The following PGD variants were observed in gnomAD, a reference collection of about 807,000 sequenced individuals.
PGD encodes 6-phosphogluconate dehydrogenase, decarboxylating.
A neutral mutation model predicts 60.4 loss-of-function variants in PGD; 21 were observed. The ratio of observed to expected loss-of-function variants is 0.35; its 90% CI spans 0.25 to 0.50. The LOEUF (loss-of-function observed/expected upper bound fraction) is 0.50, where lower values mean the gene tolerates loss of function less well. PGD is among the 20% of genes least tolerant of loss of function. The probability of loss-of-function intolerance (pLI) is 0.98; values close to 1 mark genes in which losing one functional copy is unlikely to be tolerated. For synonymous variants in PGD, 230 were observed against 235.9 expected, an observed-to-expected ratio of 0.97 and a Z score of 0.23; for missense variants, 477 against 613.1, an observed-to-expected ratio of 0.78 and a Z score of 2.34.
chr1:10,399,355 G>A (rs1639269642), intron 1 of PGD: 2 of 543,358 alleles, frequency 3.7e-6, no homozygotes, highest in Non-Finnish European at 3.1e-6. Context: ...GGGTCCCTTC[G>A]AGGGCCAGGG....
intron 6 of PGD, among the ~76,000 whole-genome samples, chr1:10,410,959 G>C (rs1639489424): frequency 1.3e-5 from 2 of 152,008 alleles, no homozygotes; most frequent in South Asian, 4.2e-4. Context: ...GTAGCCATTA[G>C]GAACAACTAC....
Position 10,399,819 on chromosome 1 carries a change from T to TG in PGD, c.84+116dup, listed in dbSNP as rs1639284659. The TG allele has an allele frequency of 7.9e-6, 7 of 886,852 alleles. No homozygotes were observed. In the East Asian group the frequency reaches 1.8e-4, roughly 22 times the overall value. The allele number at this position is 886,852 out of a possible 1,614,324, so 54.9% of individuals were successfully genotyped here. On this transcript the variant is annotated intron_variant, in intron 2 of 12. Transcript: ENST00000270776. ...GCCGTGCTTTGCTAATGTGCTCTGT[T>TG]GCTGCTCGTGGCATTTTTGTATGGA...
intron 9 of PGD, 24 bp downstream of exon 9, chr1:10,417,141 G>T (rs756401371): frequency 2.5e-6 from 4 of 1,613,216 alleles, no homozygotes; most frequent in Non-Finnish European, 3.4e-6. Context: ...CCTGGCAGTG[G>T]TCTTTGTTGG....
chr1:10,414,844 G>T (rs1639568464), intron 8 of PGD, among the ~76,000 whole-genome samples: 1 of 151,552 alleles, frequency 6.6e-6, no homozygotes, highest in African/African-American at 2.4e-5. Flanking sequence ...TGTAATCCCA[G>T]CACTTTGGGT....
Position 10,399,572 on chromosome 1 carries a change from G to C in PGD, c.9-57G>C, listed in dbSNP as rs555389581. ...AAATGTGGAAGGACCGGACCCCTGG[G>C]TTGCAGCGCGTCGAGCGGTGCTGAC... On this transcript the variant is annotated intron_variant, in intron 1 of 12. Coordinates refer to ENST00000270776, the MANE Select transcript of PGD (RefSeq NM_002631.4). 3.7e-5 allele frequency: 55 copies of C among 1,478,488 alleles called. 1 individual carries two copies. Among genetic ancestry groups the C allele is most frequent in the Non-Finnish European group, 4.9e-5 (52 of 1,062,180 alleles). The allele number at this position is 1,478,488 out of a possible 1,614,324, so 91.6% of individuals were successfully genotyped here.
rs755270756 is a variant in PGD at position 10,408,029 on chromosome 1, C to T, written c.450-42C>T. The T allele has an allele frequency of 1.3e-5, 15 of 1,173,710 alleles. 1 individual carries two copies. Among genetic ancestry groups the T allele is most frequent in the Non-Finnish European group, 1.7e-5 (13 of 777,914 alleles). The allele number at this position is 1,173,710 out of a possible 1,614,324, so 72.7% of individuals were successfully genotyped here. A position where few individuals can be genotyped will look rare whatever the true frequency, so the allele number is the denominator to read the frequency against. On this transcript the variant is annotated intron_variant, in intron 5 of 12. Coordinates refer to ENST00000270776, the MANE Select transcript of PGD (RefSeq NM_002631.4). ...TGTCTATGGGTATGGGCTCTCAGCCCGTCTCTTCTCATTAACTGAACCACA... is the reference window on the plus strand; with the variant it reads ...TGTCTATGGGTATGGGCTCTCAGCCTGTCTCTTCTCATTAACTGAACCACA...
At chr1:10,409,649 CTTTTTTTTTT>C (rs543426528) in intron 6 of PGD, among the ~76,000 whole-genome samples, 1 of 75,416 alleles carries the variant, frequency 1.3e-5, no homozygotes, top group East Asian at 4.0e-4. Flanking sequence ...GTGGTAGCAA[CTTTTTTTTTT>C]TTTTTTTTTT....
At chr1:10,413,957 G>C (rs1464626661) in intron 8 of PGD, among the ~76,000 whole-genome samples, 1 of 151,758 alleles carries the variant, frequency 6.6e-6, no homozygotes, top group Admixed American at 6.6e-5. Flanking sequence ...TCAGGAGGTT[G>C]AGCCATGAGA....
rs772431360 is a variant in PGD at position 10,419,500 on chromosome 1, C to A, written c.1293C>A (p.Asp431Glu). The A allele has an allele frequency of 1.2e-6, 2 of 1,614,088 alleles. No homozygotes were observed. Among genetic ancestry groups the A allele is most frequent in the Admixed American group, 3.3e-5 (2 of 60,006 alleles). ...TTACCACTGCCCTCTCCTTCTATGA[C>A]GGGTACAGACATGAGATGCTTCCAG... ...PCFTTALSFY[D>E]GYRHEMLPAS... Residue 431 changes from aspartate (D) to glutamate (E), a missense_variant, in exon 12 of 13, where the codon GAC becomes GAA. Transcript: ENST00000270776.
At chr1:10,400,232 A>G in intron 2 of PGD, 161 bp from the exon 3 acceptor site, 2 of 588,006 alleles carry the variant, frequency 3.4e-6, no homozygotes, top group Non-Finnish European at 3.0e-6. Flanking sequence ...CTGAGGTGAC[A>G]TAACTTTACA....
chr1:10,418,919 C>G lies in PGD; in HGVS notation c.1203C>G (p.Asn401Lys). The change falls in exon 11 of 13, where the codon AAC becomes AAG. Residue 401 changes from asparagine to lysine, a missense_variant. This residue lies in a region of PGD where 431 missense variants were observed against 556.6 expected (regional missense o/e 0.77). Transcript: ENST00000270776. ...ACTTCTTTAAGTCAGCTGTTGAAAA[C>G]TGCCAGGTATGTAGCCTAGGGCTGG... ...LDDFFKSAVE[N>K]CQDSWRRAVS... 6.3e-7 allele frequency: 1 copy of G among 1,589,742 alleles called. No homozygotes were observed. Among genetic ancestry groups the G allele is most frequent in the East Asian group, 2.2e-5 (1 of 44,778 alleles).
intron 3 of PGD, among the ~76,000 whole-genome samples, chr1:10,402,697 G>A (rs576840577): frequency 4.0e-5 from 6 of 151,810 alleles, no homozygotes; most frequent in Admixed American, 2.6e-4. Context: ...CTAATTTTTC[G>A]TATTTTTAGT....
Position 10,411,549 on chromosome 1 carries a change from C to T in PGD, c.651C>T (p.Ala217=), listed in dbSNP as rs1639500849. 3 of 1,613,928 alleles carry T rather than the reference C, an allele frequency of 1.9e-6. No homozygotes were observed. The East Asian group carries it at 6.7e-5, about 36-fold the overall frequency. The change falls in exon 7 of 13, where the codon GCC becomes GCT. Residue 217 remains alanine, a synonymous_variant. Transcript: ENST00000270776. ...DVLGMAQDEM[A]QAFEDWNKTE... ...TGGGCATGGCGCAGGACGAGATGGC[C>T]CAGGTGAGGCCCCGGCACTGCCTCT...
In PGD at chr1:10,403,125, A is replaced by AG. The variant is rs1639342393; in HGVS notation, c.322dup (p.Asp108GlyfsTer65). Reference sequence around the variant, plus strand: ...CATTGACGGAGGAAATTCTGAATATAGGGACACCACAGTAAGTGTTCTTCA... The same window carrying AG: ...CATTGACGGAGGAAATTCTGAATATAGGGGACACCACAGTAAGTGTTCTTCA... On this transcript the variant is annotated frameshift_variant, in exon 4 of 13. Transcript: ENST00000270776. LOFTEE classifies it high-confidence loss of function. 1 of 1,602,962 alleles carries AG rather than the reference A, an allele frequency of 6.2e-7. No individual in the cohort carries two copies. Among genetic ancestry groups the AG allele is most frequent in the Admixed American group, 1.7e-5 (1 of 59,972 alleles).
At chr1:10,406,391 A>C (rs963593267) in intron 5 of PGD, among the ~76,000 whole-genome samples, 3 of 152,072 alleles carry the variant, frequency 2.0e-5, no homozygotes, top group African/African-American at 7.2e-5. Flanking sequence ...TTCTTAAGAA[A>C]AAAAAAAAAG....
At chr1:10,401,175 G>A (rs1034617408) in intron 3 of PGD, among the ~76,000 whole-genome samples, 2 of 152,158 alleles carry the variant, frequency 1.3e-5, no homozygotes, top group Non-Finnish European at 2.9e-5. Context: ...ACTCCAGTTT[G>A]GCGACAGAGC....
chr1:10,401,624 T>G (rs746786504), intron 3 of PGD, among the ~76,000 whole-genome samples: 13 of 152,242 alleles, frequency 8.5e-5, no homozygotes, highest in Non-Finnish European at 1.2e-4. Context: ...GTAATCAGTT[T>G]CAGACAGAGA....
Position 10,416,980 on chromosome 1 carries a change from C to T in PGD, c.845-7C>T. ...ATCTGTTTCCTCTTCCCGATCTCCC[C>T]ATGTAGGAGAAGCTGTCTTTGCTCG... On this transcript the variant is annotated splice_region_variant and splice_polypyrimidine_tract_variant and intron_variant, in intron 8 of 12. Transcript: ENST00000270776. 2 of 1,612,864 alleles carry T rather than the reference C, an allele frequency of 1.2e-6. No individual in the cohort carries two copies. The highest frequency in any genetic ancestry group is 1.7e-6 in the Non-Finnish European group (2 of 1,179,188).
At chr1:10,404,760 A>G (rs531074956) in intron 5 of PGD, among the ~76,000 whole-genome samples, 58 of 152,318 alleles carry the variant, frequency 3.8e-4, no homozygotes, top group Admixed American at 6.5e-4. Context: ...TTGGCCTCCC[A>G]AAGTGCAGGG....
Sources: allele counts gnomAD v4.1 joint callset (sites outside exome capture counted in the v4.1 genomes callset), GRCh38; gene constraint gnomAD v4.1.1; regional missense constraint gnomAD v4.1.1; transcripts MANE v1.5; gene names NCBI Gene and HGNC (gene_info 2026-07-23, HGNC 2026-07-21).